Variants in ERICH4 observed in about 807,000 individuals in gnomAD.
The protein encoded by ERICH4 is glutamate-rich protein 4.
In ERICH4, 4 loss-of-function variants were observed where a neutral mutation model predicts 5.2. The ratio of observed to expected loss-of-function variants is 0.77; its 90% CI spans 0.38 to 1.76. The LOEUF is 1.76. ERICH4 is among the 40% of genes most tolerant of loss of function. The pLI, the probability that ERICH4 is intolerant of heterozygous loss-of-function variation, is 0.04. For missense variants in ERICH4, 164 were observed against 159.8 expected (o/e 1.03, Z -0.14); for synonymous variants, 75 against 68.7 (o/e 1.09, Z -0.45).
rs782756940 is a variant in ERICH4 at position 41,443,270 on chromosome 19, G to C, written c.101G>C (p.Gly34Ala). ...LREVSPVEIP[G>A]QTLRTAGADT... ...GAGGTCTCCCCAGTGGAAATCCCTGGTCAGACCCTCAGGACTGCAGGGGCA... is the reference window on the plus strand; with the variant it reads ...GAGGTCTCCCCAGTGGAAATCCCTGCTCAGACCCTCAGGACTGCAGGGGCA... The change falls in exon 1 of 2, where the codon GGT becomes GCT. Residue 34 changes from glycine to alanine, a missense_variant. By Grantham distance (60) the Gly-to-Ala change is moderately conservative (BLOSUM62 0). Transcript: ENST00000378187. 7.8e-6 allele frequency: 11 copies of C among 1,406,892 alleles called. No homozygotes were observed. In the South Asian group the frequency reaches 1.7e-4, roughly 22 times the overall value. The allele number at this position is 1,406,892 out of a possible 1,614,324, so 87.2% of individuals were successfully genotyped here. A position where few individuals can be genotyped will look rare whatever the true frequency, so the allele number is the denominator to read the frequency against.
At position 41,444,119 on chromosome 19, in the gene ERICH4, C is replaced by A. The variant is rs1023795725; in HGVS notation, c.288C>A (p.Ser96Arg). 6.4e-7 allele frequency: 1 copy of A among 1,551,694 alleles called. No homozygotes were observed. The highest frequency in any genetic ancestry group is 8.7e-7 in the Non-Finnish European group (1 of 1,146,978). Residue 96 changes from serine (S) to arginine (R), a missense_variant, in exon 2 of 2, where the codon AGC becomes AGA. Physicochemically the swap from Ser to Arg is moderately radical, Grantham distance 110 (BLOSUM62 -1). Transcript: ENST00000378187. ...LVTILEEEEE[S>R]SKEEEEDQEP... is the part of the protein sequence containing the mutation. Reference sequence around the variant, plus strand: ...CCATATTGGAGGAGGAGGAGGAGAGCAGCAAGGAAGAGGAGGAGGATCAAG... The same window carrying A: ...CCATATTGGAGGAGGAGGAGGAGAGAAGCAAGGAAGAGGAGGAGGATCAAG...
At position 41,443,185 on chromosome 19, in the gene ERICH4, C is replaced by T; in HGVS notation, c.16C>T (p.Gln6Ter). The part of the protein sequence containing the change: MELWR[Q>*]LNQAGLVPPG... ...CTCAGAGACGATGGAACTGTGGAGG[C>T]AGCTGAATCAGGCTGGACTGGTGCC... The change falls in exon 1 of 2, where the codon CAG becomes TAG. Residue 6 changes from glutamine (Q) to a stop codon, truncating the protein, a stop_gained. Coordinates refer to ENST00000378187, the MANE Select transcript of ERICH4 (RefSeq NM_001130514.3). LOFTEE classifies it high-confidence loss of function. The T allele has an allele frequency of 6.8e-7, 1 of 1,478,048 alleles. No individual in the cohort carries two copies. Among genetic ancestry groups the T allele is most frequent in the Middle Eastern group, 2.4e-4 (1 of 4,130 alleles). The allele number at this position is 1,478,048 out of a possible 1,614,324, so 91.6% of individuals were successfully genotyped here. A position where few individuals can be genotyped will look rare whatever the true frequency, so the allele number is the denominator to read the frequency against.
At chr19:41,443,977 TC>T (rs2040142793) in intron 1 of ERICH4, 28 bp from the exon 2 acceptor site, 2 of 1,531,620 alleles carry the variant, frequency 1.3e-6, no homozygotes, top group East Asian at 4.9e-5. Flanking sequence ...TGGGGTGGCA[TC>T]CCTGTGACGT....
At chr19:41,443,846 T>A in intron 1 of ERICH4, 160 bp from the exon 2 acceptor site, 1 of 600,158 alleles carries the variant, frequency 1.7e-6, no homozygotes, top group Non-Finnish European at 3.0e-6. Context: ...CAAGAGACAC[T>A]CTGAGAAGCA....
rs1023795725 is a variant in ERICH4 at position 41,444,119 on chromosome 19, C to G, written c.288C>G (p.Ser96Arg). 10 of 1,551,694 alleles carry G rather than the reference C, an allele frequency of 6.4e-6. No homozygotes were observed. In the African/African-American group the frequency reaches 1.1e-4, roughly 17 times the overall value. The change falls in exon 2 of 2, where the codon AGC becomes AGG. Residue 96 changes from serine to arginine, a missense_variant. By Grantham distance (110) the Ser-to-Arg change is moderately radical. Transcript: ENST00000378187. ...CCATATTGGAGGAGGAGGAGGAGAG[C>G]AGCAAGGAAGAGGAGGAGGATCAAG... ...LVTILEEEEE[S>R]SKEEEEDQEP...
intron 1 of ERICH4, 29 bp from the exon 2 acceptor site, chr19:41,443,977 T>A (rs781915825): frequency 2.0e-6 from 3 of 1,531,504 alleles, no homozygotes; most frequent in South Asian, 1.2e-5. Context: ...TGGGGTGGCA[T>A]CCCTGTGACG....
At position 41,444,074 on chromosome 19, in the gene ERICH4, G is replaced by A. The variant is rs896230142; in HGVS notation, c.243G>A (p.Ala81=). Residue 81 remains alanine, a synonymous_variant, in exon 2 of 2, where the codon GCG becomes GCA. Transcript: ENST00000378187. ...GCAGCCTGGGGCTGGAGATGGGGGC[G>A]CTGCGGGAGGAACTGGTCACCATAT... ...QLCSLGLEMG[A]LREELVTILE... 5.1e-5 allele frequency: 79 copies of A among 1,551,306 alleles called. No individual in the cohort carries two copies. The highest frequency in any genetic ancestry group is 2.2e-4 in the East Asian group (9 of 40,920).
In ERICH4 at chr19:41,444,144, G is replaced by A. The variant is rs139707196; in HGVS notation, c.313G>A (p.Glu105Lys). 2,857 of 1,552,114 alleles carry A rather than the reference G, an allele frequency of 1.8e-3. 56 individuals are homozygous for A. In the African/African-American group the frequency reaches 0.034, roughly 18 times the overall value. Reference sequence around the variant, plus strand: ...CAGCAAGGAAGAGGAGGAGGATCAAGAGCCCCAGAGGAAGCAGGAGGAGGA... The same window carrying A: ...CAGCAAGGAAGAGGAGGAGGATCAAAAGCCCCAGAGGAAGCAGGAGGAGGA... ...ESSKEEEEDQ[E>K]PQRKQEEEHL... Residue 105 changes from glutamate to lysine, a missense_variant, in exon 2 of 2, where the codon GAG (glutamate) becomes AAG (lysine). Coordinates refer to ENST00000378187, the MANE Select transcript of ERICH4 (RefSeq NM_001130514.3).
chr19:41,443,865 G>C (rs560477851), intron 1 of ERICH4, 141 bp from the exon 2 acceptor site: 1 of 615,706 alleles, frequency 1.6e-6, no homozygotes, highest in Non-Finnish European at 2.9e-6. Flanking sequence ...CAGGAAGGCA[G>C]TTAGGGTCCA....
At chr19:41,443,967 T>G (rs772455335) in intron 1 of ERICH4, 39 bp from the exon 2 acceptor site, 347 of 1,504,012 alleles carry the variant, frequency 2.3e-4, no homozygotes, top group Non-Finnish European at 2.9e-4. Flanking sequence ...CCTTGCTCTC[T>G]GGGGTGGCAT....
At position 41,444,658 on chromosome 19, in the gene ERICH4, G is replaced by T; in HGVS notation, c.*434G>T. On this transcript the variant is annotated 3_prime_UTR_variant, in exon 2 of 2. Transcript: ENST00000378187. Reference sequence around the variant, plus strand: ...GTAAAATACACACCAAATATTAAAGGCTTAGTATGATGAAAAGAACATAAG... The same window carrying T: ...GTAAAATACACACCAAATATTAAAGTCTTAGTATGATGAAAAGAACATAAG... The T allele has an allele frequency of 5.7e-6, 1 of 175,242 alleles. No homozygotes were observed. The highest frequency in any genetic ancestry group is 1.2e-5 in the Non-Finnish European group (1 of 80,910). 10.9% of individuals were successfully genotyped at this position (175,242 alleles called of 1,614,324 possible). A position where few individuals can be genotyped will look rare whatever the true frequency, so the allele number is the denominator to read the frequency against.
Position 41,444,183 on chromosome 19 carries a change from T to C in ERICH4, c.352T>C (p.Cys118Arg). 6.4e-7 allele frequency: 1 copy of C among 1,552,230 alleles called. No homozygotes were observed. Among genetic ancestry groups the C allele is most frequent in the Non-Finnish European group, 8.7e-7 (1 of 1,147,108 alleles). Residue 118 changes from cysteine to arginine, a missense_variant, in exon 2 of 2, where the codon TGC (cysteine) becomes CGC (arginine). Physicochemically the swap from Cys to Arg is radical, Grantham distance 180. Coordinates refer to ENST00000378187, the MANE Select transcript of ERICH4 (RefSeq NM_001130514.3). ...RKQEEEHLEA[C>R]PAPHPPDFEM... ...GCAGGAGGAGGAACACCTGGAGGCC[T>C]GCCCAGCCCCACATCCACCTGACTT...
At position 41,444,316 on chromosome 19, in the gene ERICH4, T is replaced by C; in HGVS notation, c.*92T>C. Reference sequence around the variant, plus strand: ...TTTGCAGGTCAAAGCAGATGTGGAATCAAGTATACCCCTTTAGTAAGTGCT... The same window carrying C: ...TTTGCAGGTCAAAGCAGATGTGGAACCAAGTATACCCCTTTAGTAAGTGCT... On this transcript the variant is annotated 3_prime_UTR_variant, in exon 2 of 2. Coordinates refer to ENST00000378187, the MANE Select transcript of ERICH4 (RefSeq NM_001130514.3). 7.3e-7 allele frequency: 1 copy of C among 1,365,976 alleles called. No individual in the cohort carries two copies. Among genetic ancestry groups the C allele is most frequent in the Middle Eastern group, 2.0e-4 (1 of 4,998 alleles). The allele number at this position is 1,365,976 out of a possible 1,614,324, so 84.6% of individuals were successfully genotyped here. A position where few individuals can be genotyped will look rare whatever the true frequency, so the allele number is the denominator to read the frequency against.
At chr19:41,443,503 G>T (rs1480720386) in intron 1 of ERICH4, among the ~76,000 whole-genome samples, 160 bp downstream of exon 1, 3 of 152,160 alleles carry the variant, frequency 2.0e-5, no homozygotes, top group Admixed American at 2.0e-4. Context: ...CATAGAGTGA[G>T]GGACGGGAAC....
Position 41,444,246 on chromosome 19 carries a change from T to C in ERICH4, c.*22T>C, listed in dbSNP as rs879960461. 3.2e-6 allele frequency: 5 copies of C among 1,551,914 alleles called. No individual in the cohort carries two copies. The highest frequency in any genetic ancestry group is 4.4e-6 in the Non-Finnish European group (5 of 1,146,920). On this transcript the variant is annotated 3_prime_UTR_variant, in exon 2 of 2. Coordinates refer to ENST00000378187, the MANE Select transcript of ERICH4 (RefSeq NM_001130514.3). ...CTGAGGCTCTGCCAGTGGATTTAGA[T>C]TGACATACAAATGAGATGCAAATGT...
chr19:41,443,722 AAATG>A (rs529464934), intron 1 of ERICH4, among the ~76,000 whole-genome samples: 398 of 152,304 alleles, frequency 2.6e-3, no homozygotes, highest in South Asian at 0.013. Context: ...GACAAAAAAT[AAATG>A]GGGACAGAGA....
chr19:41,444,029 C>G lies in ERICH4; in HGVS notation c.198C>G (p.Val66=). The change falls in exon 2 of 2, where the codon GTC becomes GTG. Residue 66 remains valine, a synonymous_variant. Transcript: ENST00000378187. ...AGGGGAACCTGCGCCGAGTGGATGT[C>G]CAGCTGCTGGGACAGCTGTGCAGCC... The part of the protein sequence containing the change: ...EELGNLRRVD[V]QLLGQLCSLG... 2 of 1,549,800 alleles carry G rather than the reference C, an allele frequency of 1.3e-6. No homozygotes were observed. The highest frequency in any genetic ancestry group is 1.4e-5 in the African/African-American group (1 of 73,104).
rs556142075 is a variant in ERICH4 at position 41,443,313 on chromosome 19, C to T, written c.144C>T (p.Cys48=). 3.3e-5 allele frequency: 43 copies of T among 1,307,120 alleles called. No homozygotes were observed. The South Asian group carries it at 6.2e-4, about 19-fold the overall frequency. The allele number at this position is 1,307,120 out of a possible 1,614,324, so 81.0% of individuals were successfully genotyped here. A position where few individuals can be genotyped will look rare whatever the true frequency, so the allele number is the denominator to read the frequency against. ...RTAGADTGGA[C]DSLLWIREEL... Reference sequence around the variant, plus strand: ...CAGGGGCAGACACTGGAGGTGCCTGCGATAGTCTGCTGTGGATCAGGGAGG... The same window carrying T: ...CAGGGGCAGACACTGGAGGTGCCTGTGATAGTCTGCTGTGGATCAGGGAGG... Residue 48 remains cysteine, a synonymous_variant, in exon 1 of 2, where the codon TGC becomes TGT. Coordinates refer to ENST00000378187, the MANE Select transcript of ERICH4 (RefSeq NM_001130514.3).
rs1568533407 is a variant in ERICH4 at position 41,444,055 on chromosome 19, TG to T, written c.228del (p.Leu77TrpfsTer52). ...CAGCTGCTGGGACAGCTGTGCAGCC[TG>T]GGGCTGGAGATGGGGGCGCTGCGGG... Reference protein sequence around the residue: ...DVQLLGQLCSLGLEMGALREE... With the variant: ...DVQLLGQLCSXGLEMGALREE... On this transcript the variant is annotated frameshift_variant, in exon 2 of 2. Coordinates refer to ENST00000378187, the MANE Select transcript of ERICH4 (RefSeq NM_001130514.3). LOFTEE classifies it low-confidence loss of function (END_TRUNC). 1 of 1,550,928 alleles carries T rather than the reference TG, an allele frequency of 6.4e-7. No homozygotes were observed. Among genetic ancestry groups the T allele is most frequent in the South Asian group, 1.2e-5 (1 of 84,022 alleles).
Sources: allele counts gnomAD v4.1 joint callset (sites outside exome capture counted in the v4.1 genomes callset), GRCh38; gene constraint gnomAD v4.1.1; transcripts MANE v1.5; gene names NCBI Gene and HGNC (gene_info 2026-07-23, HGNC 2026-07-21).